Variants in NCOR2 observed in about 807,000 individuals in gnomAD.
NCOR2 encodes nuclear receptor corepressor 2.
Under a neutral mutation model 262.9 loss-of-function variants are expected in NCOR2, and 81 were observed. The ratio of observed to expected loss-of-function variants is 0.31; its 90% CI spans 0.26 to 0.37. NCOR2 has a LOEUF of 0.37. NCOR2 is among the 10% of genes least tolerant of loss of function. The pLI is 1.00. For missense variants in NCOR2, 3,385 were observed against 3,621.4 expected (o/e 0.93, Z 1.68); for synonymous variants, 1,659 against 1,559.3 (o/e 1.06, Z -1.51).
exon 20 of NCOR2, chr12:124,372,328 G>T: frequency 6.6e-7 from 1 of 1,521,828 alleles, no homozygotes. Context: ...CACTGGGGGC[G>T]CTGCTGCGGT....
intron 1 of NCOR2, among the ~76,000 whole-genome samples, chr12:124,492,638 G>A (rs1030255226): frequency 2.6e-5 from 4 of 152,174 alleles, no homozygotes; most frequent in Non-Finnish European, 5.9e-5. Context: ...TACCCGGGGG[G>A]ATCTGTCTTT....
rs560120110 is a variant in NCOR2 at position 124,352,360 on chromosome 12, G to C, written c.3694-1623C>G. On this transcript the variant is annotated intron_variant, in intron 27 of 46. Transcript: ENST00000405201. ...TGATTTAAAAAGGGGGGCTCTCCAT[G>C]GTGAAACTGAGGCATCTGATTTTTT... is the stretch of plus-strand genomic sequence containing the variant. 3.3e-5 allele frequency among the ~76,000 whole-genome samples: 5 copies of C among 152,180 alleles called. No individual in the cohort carries two copies. In the South Asian group the frequency reaches 1.0e-3, roughly 32 times the overall value.
At chr12:124,337,237 AC>A in intron 37 of NCOR2, 57 bp from the exon 40 acceptor site, 1 of 1,521,118 alleles carries the variant, frequency 6.6e-7, no homozygotes, top group Non-Finnish European at 8.9e-7. Flanking sequence ...TTCCTCCACC[AC>A]CCTCGATGAG....
intron 1 of NCOR2, among the ~76,000 whole-genome samples, chr12:124,551,901 T>C (rs2137261612): frequency 6.6e-6 from 1 of 152,184 alleles, no homozygotes; most frequent in African/African-American, 2.4e-5. Flanking sequence ...AGAGCCCACA[T>C]GGGAGACCCA....
At chr12:124,498,251 G>A (rs1218655964), upstream of NCOR2, among the ~76,000 whole-genome samples, 1 of 152,186 alleles carries the variant, frequency 6.6e-6, no homozygotes, top group African/African-American at 2.4e-5. Context: ...GCCTGGGGGT[G>A]ACAGGCCCCT....
At chr12:124,537,138 A>T (rs1289916329), upstream of NCOR2, among the ~76,000 whole-genome samples, 2 of 152,258 alleles carry the variant, frequency 1.3e-5, no homozygotes, top group Non-Finnish European at 2.9e-5. Context: ...ACAACAAAAA[A>T]AATGTGATTC....
At chr12:124,351,415 C>T (rs1016674503) in intron 27 of NCOR2, among the ~76,000 whole-genome samples, 3 of 152,190 alleles carry the variant, frequency 2.0e-5, no homozygotes, top group Non-Finnish European at 2.9e-5. Context: ...GGGCTGTTAA[C>T]AGCATCCCTG....
chr12:124,422,696 G>A, intron 11 of NCOR2, 141 bp from the exon 14 acceptor site: 1 of 910,494 alleles, frequency 1.1e-6, no homozygotes, highest in South Asian at 1.5e-5. Context: ...AAGCCCAGGG[G>A]GGTGTGGGAA....
chr12:124,336,934 G>A (rs750302392), exon 38 of NCOR2: 2 of 1,568,560 alleles, frequency 1.3e-6, no homozygotes, highest in Non-Finnish European at 8.6e-7. Context: ...CTAGGGGCCG[G>A]GGCTCCGAGC....
chr12:124,520,692 G>C (rs1845163615), intron 1 of NCOR2, among the ~76,000 whole-genome samples: 1 of 152,230 alleles, frequency 6.6e-6, no homozygotes, highest in Non-Finnish European at 1.5e-5. Flanking sequence ...GACAGAGCCT[G>C]TGGCCAAAAC....
chr12:124,546,161 C>T (rs1452401861), intron 1 of NCOR2, among the ~76,000 whole-genome samples: 2 of 152,152 alleles, frequency 1.3e-5, no homozygotes, highest in Non-Finnish European at 2.9e-5. Flanking sequence ...ACCCTGGGCA[C>T]GTGGCTTAAC....
intron 42 of NCOR2, 30 bp from the exon 45 acceptor site, chr12:124,332,497 C>T: frequency 6.2e-7 from 1 of 1,613,684 alleles, no homozygotes; most frequent in Non-Finnish European, 8.5e-7. Context: ...CACATCAGCT[C>T]ACTTGGTGCC....
rs2045911452 is a variant in NCOR2, at chr12:124,457,014, C to A, written c.762+92G>T. On this transcript the variant is annotated intron_variant, in intron 6 of 46. Transcript: ENST00000405201. This position sits in a 1 kb window ranked among gnomAD's most constrained non-coding sequence, Gnocchi z 4.0. ...CTGGGCAGCGCTTGGTAATAGATGA[C>A]TTCCTCCTCCGCCGCACCCTCCCGC... The A allele has an allele frequency of 1.9e-6, 2 of 1,078,646 alleles. No individual in the cohort carries two copies. The highest frequency in any genetic ancestry group is 1.2e-6 in the Non-Finnish European group (1 of 803,074). 66.8% of individuals were successfully genotyped at this position (1,078,646 alleles called of 1,614,324 possible).
chr12:124,457,589 A>C lies in NCOR2; in HGVS notation c.706-427T>G, dbSNP rs575147901. Among the ~76,000 whole-genome samples the C allele has an allele frequency of 6.6e-6, 1 of 151,598 alleles. No homozygotes were observed. Among genetic ancestry groups the C allele is most frequent in the Admixed American group, 6.6e-5 (1 of 15,234 alleles). On this transcript the variant is annotated intron_variant, in intron 5 of 46. Transcript: ENST00000405201. The surrounding 1 kb of genome is among the most constrained non-coding windows in gnomAD (Gnocchi z 4.0). ...CAGAGCTAGTGCAGCCAGCGAGGGA[A>C]GGAGGAGGAGGAGGAGGAGGGAGGG...
intron 1 of NCOR2, among the ~76,000 whole-genome samples, chr12:124,534,927 C>A (rs1446001077): frequency 6.6e-6 from 1 of 152,238 alleles, no homozygotes; most frequent in Non-Finnish European, 1.5e-5. Flanking sequence ...TCAGGCCAGG[C>A]ACTGCTCTCT....
rs115337150 is a variant in NCOR2 at position 124,501,190 on chromosome 12, C to T, written c.-117-5822G>A. Among the ~76,000 whole-genome samples, 1,165 of 152,144 alleles carry T rather than the reference C, an allele frequency of 7.7e-3. 21 individuals are homozygous for T. Among genetic ancestry groups the T allele is most frequent in the African/African-American group, 0.027 (1,103 of 41,516 alleles). On this transcript the variant is annotated intron_variant, in intron 1 of 46. Transcript: ENST00000404621. ...GCGGAACCACGGCGGGAACACAGGC[C>T]GTGCCTCCACTGTCCCAGCCTGGCC... is the stretch of plus-strand genomic sequence containing the variant.
chr12:124,527,878 G>A (rs980377026), intron 1 of NCOR2, among the ~76,000 whole-genome samples: 1 of 152,048 alleles, frequency 6.6e-6, no homozygotes, highest in Admixed American at 6.6e-5. Context: ...CTGGATCCCT[G>A]GGACTTTGCA....
At chr12:124,428,892 C>G (rs866182907) in intron 10 of NCOR2, among the ~76,000 whole-genome samples, 3 of 152,316 alleles carry the variant, frequency 2.0e-5, no homozygotes, top group South Asian at 2.1e-4. Context: ...GTGTTAGGAG[C>G]AGGGGGTAGT....
chr12:124,442,733 T>G (rs1325281912), intron 7 of NCOR2, among the ~76,000 whole-genome samples: 1 of 152,124 alleles, frequency 6.6e-6, no homozygotes, highest in Non-Finnish European at 1.5e-5. Context: ...AAAACTGATA[T>G]GTGTAAAGTC....
Sources: allele counts gnomAD v4.1 joint callset (sites outside exome capture counted in the v4.1 genomes callset), GRCh38; gene constraint gnomAD v4.1.1; non-coding constraint Gnocchi (gnomAD v3.1); transcripts MANE v1.5; gene names NCBI Gene and HGNC (gene_info 2026-07-23, HGNC 2026-07-21).